The following TMEM8B variants were observed in gnomAD, a reference collection of about 807,000 sequenced individuals.
TMEM8B encodes the protein nasopharyngeal carcinoma expressed 6.
A neutral mutation model predicts 49.3 loss-of-function variants in TMEM8B; 29 were observed. The ratio of observed to expected loss-of-function variants is 0.59; its 90% confidence interval spans 0.44 to 0.80. The LOEUF (loss-of-function observed/expected upper bound fraction) is 0.80, where lower values mean the gene tolerates loss of function less well. TMEM8B is among the 30% of genes least tolerant of loss of function. TMEM8B has a pLI of 0.00. For synonymous variants in TMEM8B, 264 were observed against 272.8 expected (o/e 0.97, Z 0.32); for missense variants, 575 against 658.5 (o/e 0.87, Z 1.39).
Position 35,834,587 on chromosome 9 carries a change from T to C in TMEM8B, c.635T>C (p.Leu212Pro). Residue 212 changes from leucine (L) to proline (P), a missense_variant, in exon 2 of 13, where the codon CTC (leucine) becomes CCC (proline). Physicochemically the swap from Leu to Pro is moderately conservative, Grantham distance 98. Coordinates refer to ENST00000643932, the MANE Select transcript of TMEM8B (RefSeq NM_001042590.4). ...PEDTFLAVWNLIIFKEQGGTF... is the reference protein window; with the variant it reads ...PEDTFLAVWNPIIFKEQGGTF... ...GACACATTCCTGGCTGTTTGGAACCTCATCATCTTCAAGGAGCAAGGGGGA... is the reference window on the plus strand; with the variant it reads ...GACACATTCCTGGCTGTTTGGAACCCCATCATCTTCAAGGAGCAAGGGGGA... 2.4e-6 allele frequency: 1 copy of C among 416,166 alleles called. No individual in the cohort carries two copies. Among genetic ancestry groups the C allele is most frequent in the Non-Finnish European group, 4.4e-6 (1 of 226,508 alleles). The allele number at this position is 416,166 out of a possible 1,614,324, so 25.8% of individuals were successfully genotyped here. A position where few individuals can be genotyped will look rare whatever the true frequency, so the allele number is the denominator to read the frequency against.
At position 35,829,787 on chromosome 9, in the gene TMEM8B, C is replaced by G. The variant is rs561983284; in HGVS notation, c.340C>G (p.Pro114Ala). 6.7e-5 allele frequency: 28 copies of G among 416,676 alleles called. No homozygotes were observed. Among genetic ancestry groups the G allele is most frequent in the Non-Finnish European group, 1.1e-4 (26 of 227,232 alleles). 25.8% of individuals were successfully genotyped at this position (416,676 alleles called of 1,614,324 possible). A position where few individuals can be genotyped will look rare whatever the true frequency, so the allele number is the denominator to read the frequency against. ...GCCCCAGTGTCCAGCCCAGCCCAAC[C>G]CATTATCTCAGCCTTTGCCCTCATC... is the stretch of plus-strand genomic sequence containing the variant. The part of the protein sequence containing the change: ...FKPQCPAQPN[P>A]LSQPLPSSLC... The change falls in exon 1 of 13, where the codon CCA becomes GCA. Residue 114 changes from proline to alanine, a missense_variant. Pro to Ala is a conservative substitution (Grantham distance 27, BLOSUM62 -1). Transcript: ENST00000643932.
rs1832625321 is a variant in TMEM8B, at chr9:35,860,152, CCTT to C, written c.*6315_*6317del. ...GTTGGACTTCAGATCTGCAATCTGG[CCTT>C]CTCAGCGCTGCAGTTCTGTGGACGT... is the stretch of plus-strand genomic sequence containing the variant. On this transcript the variant is annotated 3_prime_UTR_variant, in exon 13 of 13. Coordinates refer to ENST00000643932, the MANE Select transcript of TMEM8B (RefSeq NM_001042590.4). 6.6e-6 allele frequency: 1 copy of C among 152,250 alleles called. No individual in the cohort carries two copies. Among genetic ancestry groups the C allele is most frequent in the Non-Finnish European group, 1.5e-5 (1 of 68,070 alleles). The allele number at this position is 152,250 out of a possible 1,614,324, so 9.4% of individuals were successfully genotyped here.
At position 35,853,373 on chromosome 9, in the gene TMEM8B, G is replaced by A; in HGVS notation, c.2439+116G>A. ...GCTCTGTCGTCATCACCTGCTGCTG[G>A]CAGTGTCCGCTCCAGTCTTGGCAGG... On this transcript the variant is annotated intron_variant, in intron 12 of 12. Transcript: ENST00000643932. This position sits in a 1 kb window ranked among gnomAD's most constrained non-coding sequence, Gnocchi z 4.2. 5.6e-6 allele frequency: 8 copies of A among 1,437,590 alleles called. No individual in the cohort carries two copies. Among genetic ancestry groups the A allele is most frequent in the South Asian group, 3.7e-5 (3 of 80,004 alleles). 89.1% of individuals were successfully genotyped at this position (1,437,590 alleles called of 1,614,324 possible).
intron 6 of TMEM8B, 183 bp from the exon 7 acceptor site, chr9:35,845,792 A>G: frequency 1.0e-6 from 1 of 985,260 alleles, no homozygotes; most frequent in African/African-American, 1.7e-5. Flanking sequence ...GCTGTGGAGG[A>G]TCTGTTGTTT....
intron 1 of TMEM8B, among the ~76,000 whole-genome samples, chr9:35,830,671 T>A (rs1434433698): frequency 1.3e-5 from 2 of 151,890 alleles, no homozygotes; most frequent in African/African-American, 4.8e-5. Context: ...TTTTATCCAC[T>A]GCAATGTATA....
chr9:35,853,808 GGGGC>G lies in TMEM8B; in HGVS notation c.2744_2747del (p.Gly915AlafsTer21), dbSNP rs763665185. On this transcript the variant is annotated frameshift_variant, in exon 13 of 13. Transcript: ENST00000643932. LOFTEE classifies it high-confidence loss of function. The surrounding 1 kb of genome is among the most constrained non-coding windows in gnomAD (Gnocchi z 4.2). ...GGAGCTGGGCCTCGTGGGCCCAGGA[GGGGC>G]CACTGTCAGCAGCATCTGTGCCAGC... 1 of 1,558,882 alleles carries G rather than the reference GGGGC, an allele frequency of 6.4e-7. No homozygotes were observed. Among genetic ancestry groups the G allele is most frequent in the Non-Finnish European group, 8.7e-7 (1 of 1,154,236 alleles).
chr9:35,851,099 T>A (rs1832088436), intron 10 of TMEM8B, among the ~76,000 whole-genome samples: 1 of 152,202 alleles, frequency 6.6e-6, no homozygotes, highest in Admixed American at 6.5e-5. Flanking sequence ...CAAACATTAA[T>A]TACTTAACCA....
In TMEM8B at chr9:35,855,628, AG is replaced by A. The variant is rs969678816; in HGVS notation, c.*1790del. On this transcript the variant is annotated 3_prime_UTR_variant, in exon 13 of 13. Coordinates refer to ENST00000643932, the MANE Select transcript of TMEM8B (RefSeq NM_001042590.4). ...AGGCTGCTCTCAAACTCCCGGCCTC[AG>A]GTGATCCACCCGCCTCGGCCTCCCA... The A allele has an allele frequency of 1.2e-4, 19 of 152,236 alleles. No homozygotes were observed. The highest frequency in any genetic ancestry group is 2.9e-5 in the Non-Finnish European group (2 of 68,122). 9.4% of individuals were successfully genotyped at this position (152,236 alleles called of 1,614,324 possible). A position where few individuals can be genotyped will look rare whatever the true frequency, so the allele number is the denominator to read the frequency against.
At chr9:35,831,280 G>A (rs1047300771) in intron 1 of TMEM8B, among the ~76,000 whole-genome samples, 7 of 152,200 alleles carry the variant, frequency 4.6e-5, no homozygotes, top group Non-Finnish European at 7.4e-5. Flanking sequence ...TCTTCTGAGC[G>A]CCTGTGTTAT....
Position 35,853,062 on chromosome 9 carries a change from C to T in TMEM8B, c.2323-79C>T. 3.7e-6 allele frequency: 6 copies of T among 1,607,884 alleles called. 1 individual carries two copies. In the South Asian group the frequency reaches 6.6e-5, roughly 18 times the overall value. ...CTCTCCCTGGGGGCATTTCCAAGTG[C>T]CTCTCATGATTCTGACCCAGGCCCT... On this transcript the variant is annotated intron_variant, in intron 11 of 12. Transcript: ENST00000643932. The surrounding 1 kb of genome is among the most constrained non-coding windows in gnomAD (Gnocchi z 4.2).
In TMEM8B at chr9:35,856,363, G is replaced by A. The variant is rs898796170; in HGVS notation, c.*2523G>A. 5 of 152,290 alleles carry A rather than the reference G, an allele frequency of 3.3e-5. No homozygotes were observed. Among genetic ancestry groups the A allele is most frequent in the East Asian group, 3.8e-4 (2 of 5,202 alleles). The allele number at this position is 152,290 out of a possible 1,614,324, so 9.4% of individuals were successfully genotyped here. A position where few individuals can be genotyped will look rare whatever the true frequency, so the allele number is the denominator to read the frequency against. On this transcript the variant is annotated 3_prime_UTR_variant, in exon 13 of 13. Coordinates refer to ENST00000643932, the MANE Select transcript of TMEM8B (RefSeq NM_001042590.4). ...GGCAGGAAAGACTGATATTTACTCC[G>A]GGCACTGAATAGTTCAGTGTGCCTG...
At position 35,841,262 on chromosome 9, in the gene TMEM8B, G is replaced by A; in HGVS notation, c.1035G>A (p.Leu345=). The stretch of plus-strand genomic sequence containing the variant: ...TCTCCCCACACAATCGCTCAGCCCT[G>A]TACAAGTAAGTCAAAGACTCCCCAC... ...QTLSPHNRSA[L]YKVFVPSFTY... is the part of the protein sequence containing the mutation. The change falls in exon 4 of 13, where the codon CTG becomes CTA. Residue 345 remains leucine, a synonymous_variant. Coordinates refer to ENST00000643932, the MANE Select transcript of TMEM8B (RefSeq NM_001042590.4). The surrounding 1 kb of genome is among the most constrained non-coding windows in gnomAD (Gnocchi z 5.9). The A allele has an allele frequency of 2.4e-6, 1 of 416,122 alleles. No individual in the cohort carries two copies. Among genetic ancestry groups the A allele is most frequent in the Non-Finnish European group, 4.4e-6 (1 of 226,696 alleles). The allele number at this position is 416,122 out of a possible 1,614,324, so 25.8% of individuals were successfully genotyped here. A position where few individuals can be genotyped will look rare whatever the true frequency, so the allele number is the denominator to read the frequency against.
rs1283527217 is a variant in TMEM8B, at chr9:35,842,192, CTCCAGTGTGGTATTGCATT to C, written c.1310-199_1310-181del. Among the ~76,000 whole-genome samples, 1 of 152,164 alleles carries C rather than the reference CTCCAGTGTGGTATTGCATT, an allele frequency of 6.6e-6. No individual in the cohort carries two copies. The highest frequency in any genetic ancestry group is 1.5e-5 in the Non-Finnish European group (1 of 68,026). Reference sequence around the variant, plus strand: ...GGGAGGGATAGATGACCTCAGTTCCCTCCAGTGTGGTATTGCATTAGCTGTCACCATTAGGAAACCCCTA... The same window carrying C: ...GGGAGGGATAGATGACCTCAGTTCCCAGCTGTCACCATTAGGAAACCCCTA... On this transcript the variant is annotated intron_variant, in intron 5 of 12. Coordinates refer to ENST00000643932, the MANE Select transcript of TMEM8B (RefSeq NM_001042590.4). The surrounding 1 kb of genome is among the most constrained non-coding windows in gnomAD (Gnocchi z 5.6).
intron 9 of TMEM8B, 103 bp downstream of exon 9, chr9:35,846,714 G>C: frequency 6.5e-7 from 1 of 1,542,740 alleles, no homozygotes; most frequent in Non-Finnish European, 8.7e-7. Flanking sequence ...CTGAATTGGG[G>C]ACGGGTTTGG....
intron 10 of TMEM8B, among the ~76,000 whole-genome samples, chr9:35,852,605 G>A (rs1832249963): frequency 6.6e-6 from 1 of 152,208 alleles, no homozygotes; most frequent in East Asian, 1.9e-4. Flanking sequence ...CAGGGTCAGG[G>A]TCAGGGCTGC....
chr9:35,856,258 T>A lies in TMEM8B; in HGVS notation c.*2418T>A, dbSNP rs1832543854. 1 of 152,230 alleles carries A rather than the reference T, an allele frequency of 6.6e-6. No individual in the cohort carries two copies. Among genetic ancestry groups the A allele is most frequent in the Non-Finnish European group, 1.5e-5 (1 of 68,044 alleles). 9.4% of individuals were successfully genotyped at this position (152,230 alleles called of 1,614,324 possible). ...CACTTGTATAGTGCCTAGTCTGGTA[T>A]GTGATGTGGTCCAATATATGTTAGC... is the stretch of plus-strand genomic sequence containing the variant. On this transcript the variant is annotated 3_prime_UTR_variant, in exon 13 of 13. Transcript: ENST00000643932.
At chr9:35,834,403 G>A (rs867027378) in intron 1 of TMEM8B, 58 bp from the exon 2 acceptor site, 22 of 408,002 alleles carry the variant, frequency 5.4e-5, no homozygotes, top group Middle Eastern at 1.2e-3. Context: ...CATGCCTGTT[G>A]CTTAATGGAA....
Position 35,855,811 on chromosome 9 carries a change from C to G in TMEM8B, c.*1971C>G, listed in dbSNP as rs943336305. 6.6e-6 allele frequency: 1 copy of G among 152,260 alleles called. No homozygotes were observed. Among genetic ancestry groups the G allele is most frequent in the Non-Finnish European group, 1.5e-5 (1 of 68,068 alleles). The allele number at this position is 152,260 out of a possible 1,614,324, so 9.4% of individuals were successfully genotyped here. On this transcript the variant is annotated 3_prime_UTR_variant, in exon 13 of 13. Coordinates refer to ENST00000643932, the MANE Select transcript of TMEM8B (RefSeq NM_001042590.4). ...TTATCTGCTTTCTGCAATCACGTCT[C>G]TTCCATGGGGCACTGAGCAGAGAAT...
In TMEM8B at chr9:35,842,490, TC is replaced by T; in HGVS notation, c.1411del (p.Gly472GlufsTer54). 1 of 1,604,180 alleles carries T rather than the reference TC, an allele frequency of 6.2e-7. No homozygotes were observed. The highest frequency in any genetic ancestry group is 8.5e-7 in the Non-Finnish European group (1 of 1,173,216). On this transcript the variant is annotated frameshift_variant, in exon 6 of 13. Coordinates refer to ENST00000643932, the MANE Select transcript of TMEM8B (RefSeq NM_001042590.4). LOFTEE classifies it high-confidence loss of function. This position sits in a 1 kb window ranked among gnomAD's most constrained non-coding sequence, Gnocchi z 5.6. Reference sequence around the variant, plus strand: ...CCAGCCACTGCCCCCAGAACCGCCATCCCTTGGAACCCCTGCGGAGGGGCCT... The same window carrying T: ...CCAGCCACTGCCCCCAGAACCGCCATCCTTGGAACCCCTGCGGAGGGGCCT... ...GNQPLPPEPPSLGTPAEGPGT... is the reference protein window; with the variant it reads ...GNQPLPPEPPXLGTPAEGPGT...
Sources: gnomAD v4.1 joint callset for allele counts (sites outside exome capture counted in the v4.1 genomes callset) on GRCh38, gnomAD v4.1.1 for gene constraint, Gnocchi (gnomAD v3.1) non-coding constraint, MANE v1.5 for transcripts, NCBI Gene and HGNC (gene_info 2026-07-23, HGNC 2026-07-21) for gene names.